Variants in NCAM1 observed in about 807,000 individuals in gnomAD.
NCAM1 encodes neural cell adhesion molecule 1, also known as antigen recognized by monoclonal antibody 5.1H11.
Under a neutral mutation model 109.8 loss-of-function variants are expected in NCAM1, and 14 were observed. The ratio of observed to expected loss-of-function variants is 0.13; its 90% CI spans 0.08 to 0.20. The LOEUF is 0.20. Ranked by LOEUF, NCAM1 falls within the 10% of genes least tolerant of loss-of-function variation. The pLI is 1.00. For missense variants in NCAM1, 774 were observed against 1,109.9 expected, an observed-to-expected ratio of 0.70 and a Z score of 4.30; for synonymous variants, 418 against 442.9, an observed-to-expected ratio of 0.94 and a Z score of 0.70.
chr11:113,118,022 C>T (rs1323034993), intron 1 of NCAM1, among the ~76,000 whole-genome samples: 3 of 151,910 alleles, frequency 2.0e-5, no homozygotes, highest in Non-Finnish European at 2.9e-5. Context: ...TTAAAAAGTG[C>T]ATTATCACCT....
intron 17 of NCAM1, chr11:113,264,385 G>A (rs781838055): frequency 4.1e-6 from 4 of 985,368 alleles, no homozygotes; most frequent in Non-Finnish European, 4.8e-6. Context: ...AGAGGCTCAC[G>A]TGCAGACATC....
intron 1 of NCAM1, among the ~76,000 whole-genome samples, chr11:113,138,755 G>T (rs1288154158): frequency 6.6e-6 from 1 of 152,126 alleles, no homozygotes; most frequent in African/African-American, 2.4e-5. Flanking sequence ...ATTAAGTTTT[G>T]AAGGAACAAT....
Position 113,072,815 on chromosome 11 carries a change from TG to T in NCAM1, c.52+111152del, listed in dbSNP as rs1215334944. ...ATCATGATTTCTAAGTATTTTACAT[TG>T]TTTTTTATTTTTTTTTTCATTTTTT... On this transcript the variant is annotated intron_variant, in intron 1 of 19. Transcript: ENST00000316851. 2.5e-4 allele frequency among the ~76,000 whole-genome samples: 21 copies of T among 83,138 alleles called. No homozygotes were observed. In the South Asian group the frequency reaches 4.0e-3, roughly 16 times the overall value. 54.5% of individuals were successfully genotyped at this position (83,138 alleles called of 152,430 possible). A position where few individuals can be genotyped will look rare whatever the true frequency, so the allele number is the denominator to read the frequency against.
rs566898335 is a variant in NCAM1, at chr11:112,968,380, C to T, written c.52+6716C>T. On this transcript the variant is annotated intron_variant, in intron 1 of 19. Transcript: ENST00000316851. Reference sequence around the variant, plus strand: ...GCAGGGCAAGAAGTAGTTTTGCCAGCTAAAGGCATATGATATTGGAGAGGA... The same window carrying T: ...GCAGGGCAAGAAGTAGTTTTGCCAGTTAAAGGCATATGATATTGGAGAGGA... Among the ~76,000 whole-genome samples, 3 of 152,236 alleles carry T rather than the reference C, an allele frequency of 2.0e-5. No individual in the cohort carries two copies. The South Asian group carries it at 6.2e-4, about 32-fold the overall frequency.
chr11:113,252,130 T>G (rs1945696433), intron 15 of NCAM1, among the ~76,000 whole-genome samples: 1 of 152,160 alleles, frequency 6.6e-6, no homozygotes, highest in African/African-American at 2.4e-5. Context: ...AATACTGTCA[T>G]AGGCTGGGTG....
At chr11:113,000,961 A>C (rs1345414042) in intron 1 of NCAM1, among the ~76,000 whole-genome samples, 3 of 151,830 alleles carry the variant, frequency 2.0e-5, no homozygotes, top group Non-Finnish European at 4.4e-5. Context: ...CTTTGGTTAT[A>C]ATTATATGAA....
chr11:113,187,282 C>T (rs1943535121), intron 1 of NCAM1, among the ~76,000 whole-genome samples: 1 of 152,198 alleles, frequency 6.6e-6, no homozygotes, highest in African/African-American at 2.4e-5. Flanking sequence ...TGGTCCAAGA[C>T]AAGAGCCAAC....
chr11:113,252,452 A>G (rs1945710745), intron 15 of NCAM1, among the ~76,000 whole-genome samples: 1 of 151,602 alleles, frequency 6.6e-6, no homozygotes, highest in Admixed American at 6.6e-5. Flanking sequence ...GTATCCGTCC[A>G]AGAACCTCAT....
chr11:113,157,830 G>A (rs782620516), intron 1 of NCAM1, among the ~76,000 whole-genome samples: 4 of 151,746 alleles, frequency 2.6e-5, no homozygotes, highest in African/African-American at 4.8e-5. Context: ...AAAGACAACC[G>A]ATTCTCCTAT....
chr11:113,141,633 G>A (rs1026953620), intron 1 of NCAM1, among the ~76,000 whole-genome samples: 3 of 152,106 alleles, frequency 2.0e-5, no homozygotes, highest in African/African-American at 7.2e-5. Context: ...TGGCGACAGA[G>A]GGAGACTCCG....
intron 1 of NCAM1, among the ~76,000 whole-genome samples, chr11:113,081,555 T>G (rs1452455226): frequency 6.6e-6 from 1 of 151,998 alleles, no homozygotes; most frequent in Admixed American, 6.6e-5. Context: ...TTTTTCTTTT[T>G]TTTTGTTTCG....
chr11:113,232,468 A>G (rs1945041017), intron 11 of NCAM1, 114 bp downstream of exon 11: 1 of 1,153,938 alleles, frequency 8.7e-7, no homozygotes, highest in Non-Finnish European at 1.2e-6. Context: ...CTGAGCAGGG[A>G]AGGCATGGGC....
chr11:113,252,163 C>A (rs887882860), intron 15 of NCAM1, among the ~76,000 whole-genome samples: 40 of 152,100 alleles, frequency 2.6e-4, no homozygotes, highest in African/African-American at 7.5e-4. Context: ...CCTGTAATCC[C>A]AGTACTTTGG....
Position 113,277,458 on chromosome 11 carries a change from C to G in NCAM1, c.*2071C>G, listed in dbSNP as rs547393633. 4 of 399,042 alleles carry G rather than the reference C, an allele frequency of 1.0e-5. No homozygotes were observed. The highest frequency in any genetic ancestry group is 1.8e-5 in the Non-Finnish European group (4 of 226,094). The allele number at this position is 399,042 out of a possible 1,614,324, so 24.7% of individuals were successfully genotyped here. On this transcript the variant is annotated 3_prime_UTR_variant, in exon 20 of 20. Coordinates refer to ENST00000316851, the MANE Select transcript of NCAM1 (RefSeq NM_181351.5). ...TGCACAGGCCCTCAGAATAGAGGAA[C>G]ATGAAGAGAGATCTTAGAGCACACA...
intron 10 of NCAM1, 45 bp downstream of exon 10, chr11:113,231,840 C>A: frequency 6.2e-7 from 1 of 1,609,932 alleles, no homozygotes; most frequent in Non-Finnish European, 8.5e-7. Flanking sequence ...AGGGGCAAGG[C>A]AGGGTCAGGA....
At chr11:113,251,101 C>A (rs181008975) in intron 15 of NCAM1, among the ~76,000 whole-genome samples, 12 of 152,290 alleles carry the variant, frequency 7.9e-5, no homozygotes, top group Middle Eastern at 3.4e-3. Context: ...GTGCCCAGCC[C>A]CAGATAGAGG....
intron 14 of NCAM1, chr11:113,240,917 C>A: frequency 7.5e-7 from 1 of 1,339,004 alleles, no homozygotes; most frequent in Non-Finnish European, 1.1e-6. Context: ...ATCTCCTTCA[C>A]CAGGTGATAA....
At chr11:113,110,879 A>C (rs932371496) in intron 1 of NCAM1, among the ~76,000 whole-genome samples, 36 of 152,182 alleles carry the variant, frequency 2.4e-4, no homozygotes, top group African/African-American at 8.7e-4. Flanking sequence ...CCAAAGCCTC[A>C]GTAATGGTAG....
At chr11:113,150,213 T>C (rs1942176476) in intron 1 of NCAM1, among the ~76,000 whole-genome samples, 1 of 152,126 alleles carries the variant, frequency 6.6e-6, no homozygotes, top group African/African-American at 2.4e-5. Context: ...AATTTATCTG[T>C]GAGTTGTAAA....
Sources: allele counts gnomAD v4.1 joint callset (sites outside exome capture counted in the v4.1 genomes callset), GRCh38; gene constraint gnomAD v4.1.1; transcripts MANE v1.5; gene names NCBI Gene and HGNC (gene_info 2026-07-23, HGNC 2026-07-21).